Variants in TCL1A observed in about 807,000 individuals in gnomAD.
The protein encoded by TCL1A is TCL1 family AKT coactivator A, also known as T-cell leukemia/lymphoma protein 1A.
In TCL1A, 9 loss-of-function variants were observed where a neutral mutation model predicts 16.9. The ratio of observed to expected loss-of-function variants is 0.53; its 90% confidence interval spans 0.32 to 0.93. The LOEUF is 0.93. Among genes scored for constraint, TCL1A ranks in the 40% least tolerant of loss-of-function variants. The pLI is 0.04. For synonymous variants in TCL1A, 69 were observed against 63.2 expected (o/e 1.09, Z -0.44); for missense variants, 139 against 153.0 (o/e 0.91, Z 0.48).
At chr14:95,712,653 T>G (rs1173935032) in intron 1 of TCL1A, 1 of 1,443,474 alleles carries the variant, frequency 6.9e-7, no homozygotes, top group East Asian at 3.1e-5. Flanking sequence ...AAGGCACACT[T>G]TTTTCTGGCG....
At chr14:95,713,798 C>T (rs538461202) in intron 1 of TCL1A, 149 bp downstream of exon 1, 6 of 1,281,684 alleles carry the variant, frequency 4.7e-6, no homozygotes, top group Middle Eastern at 2.3e-4. Context: ...CCTATTCATC[C>T]TCCAGAGCCC....
At position 95,714,125 on chromosome 14, in the gene TCL1A, C is replaced by A; in HGVS notation, c.-59G>T. 1.9e-6 allele frequency: 3 copies of A among 1,596,632 alleles called. No individual in the cohort carries two copies. The highest frequency in any genetic ancestry group is 1.1e-5 in the South Asian group (1 of 90,076). On this transcript the variant is annotated 5_prime_UTR_variant, in exon 1 of 4. Coordinates refer to ENST00000402399, the MANE Select transcript of TCL1A (RefSeq NM_021966.3). ...GAGCCTCTCAAGGCCGCTCGCTGGT[C>A]CCTGGGATGTGGGGCCGACCCTTTA...
chr14:95,713,451 T>A (rs1595067393), intron 1 of TCL1A, among the ~76,000 whole-genome samples: 2 of 152,358 alleles, frequency 1.3e-5, no homozygotes, highest in South Asian at 2.1e-4. Flanking sequence ...GCGCTTATAC[T>A]ACGACATCAC....
intron 2 of TCL1A, 101 bp downstream of exon 2, chr14:95,712,117 TGC>T: frequency 7.2e-7 from 1 of 1,395,186 alleles, no homozygotes; most frequent in South Asian, 1.2e-5. Context: ...CATTTTTTAA[TGC>T]TTTTGGGACT....
rs776819931 is a variant in TCL1A at position 95,712,385 on chromosome 14, C to T, written c.132G>A (p.Arg44=). The T allele has an allele frequency of 6.2e-7, 1 of 1,607,500 alleles. No individual in the cohort carries two copies. Among genetic ancestry groups the T allele is most frequent in the Non-Finnish European group, 8.5e-7 (1 of 1,175,224 alleles). ...WLPLTIEIKD[R]LQLRVLLRRE... is the part of the protein sequence containing the mutation. ...GACGCAAGAGCACCCGTAACTGTAA[C>T]CTATCCTTTATCTGAGGAGAAGAAA... Residue 44 remains arginine (R), a synonymous_variant, in exon 2 of 4, where the codon AGG becomes AGA. Coordinates refer to ENST00000402399, the MANE Select transcript of TCL1A (RefSeq NM_021966.3).
At chr14:95,713,734 T>C (rs1886464356) in intron 1 of TCL1A, among the ~76,000 whole-genome samples, 1 of 152,308 alleles carries the variant, frequency 6.6e-6, no homozygotes, top group South Asian at 2.1e-4. Flanking sequence ...GGTCCACCCC[T>C]TTGACCGACA....
Position 95,711,535 on chromosome 14 carries a change from A to C in TCL1A, c.*6+214T>G, listed in dbSNP as rs868085809. On this transcript the variant is annotated intron_variant, in intron 3 of 3. Transcript: ENST00000402399. ...ACTTGTGAAGTACTTTATAGATATG[A>C]GCAGCTGCGATAAAGGGGGCTGCCT... 7.3e-5 allele frequency: 41 copies of C among 560,918 alleles called. No homozygotes were observed. The African/African-American group carries it at 7.6e-4, about 10-fold the overall frequency. The allele number at this position is 560,918 out of a possible 1,614,324, so 34.7% of individuals were successfully genotyped here. A position where few individuals can be genotyped will look rare whatever the true frequency, so the allele number is the denominator to read the frequency against.
chr14:95,713,823 T>C, intron 1 of TCL1A, 124 bp downstream of exon 1: 1 of 1,445,628 alleles, frequency 6.9e-7, no homozygotes, highest in Non-Finnish European at 9.3e-7. Context: ...CAAAGTGGCT[T>C]CATCTGTGGG....
rs781117449 is a variant in TCL1A at position 95,710,301 on chromosome 14, C to A, written c.*587G>T. 1 of 152,708 alleles carries A rather than the reference C, an allele frequency of 6.5e-6. No homozygotes were observed. Among genetic ancestry groups the A allele is most frequent in the African/African-American group, 2.4e-5 (1 of 41,420 alleles). 9.5% of individuals were successfully genotyped at this position (152,708 alleles called of 1,614,324 possible). On this transcript the variant is annotated 3_prime_UTR_variant, in exon 4 of 4. Coordinates refer to ENST00000402399, the MANE Select transcript of TCL1A (RefSeq NM_021966.3). ...TCTGAGTCCTGAGCACAGATAAGGG[C>A]TCCTTTCAGGCCTTTCCTTGAGCTG...
chr14:95,713,549 T>A (rs186005870), intron 1 of TCL1A, among the ~76,000 whole-genome samples: 1 of 152,316 alleles, frequency 6.6e-6, no homozygotes, highest in Admixed American at 6.5e-5. Context: ...TGGTTGACCC[T>A]AAACTGTTGA....
At chr14:95,712,676 T>C (rs1352253770) in intron 1 of TCL1A, 1 of 1,392,894 alleles carries the variant, frequency 7.2e-7, no homozygotes, top group Admixed American at 2.2e-5. Context: ...TTGCAGCGGC[T>C]CACACTTGTA....
intron 1 of TCL1A, chr14:95,712,920 T>G (rs992085012): frequency 9.9e-6 from 2 of 202,466 alleles, no homozygotes; most frequent in South Asian, 1.4e-4. Flanking sequence ...AAAAACTGTC[T>G]GGTTCGTGGT....
chr14:95,710,245 T>A lies in TCL1A; in HGVS notation c.*643A>T, dbSNP rs897697652. On this transcript the variant is annotated 3_prime_UTR_variant, in exon 4 of 4. Transcript: ENST00000402399. ...CTCGCCGGCCTGGCCTCCTGCTGCG[T>A]CCCGGGATGTGGACCACTGACCCAG... 2 of 152,574 alleles carry A rather than the reference T, an allele frequency of 1.3e-5. No homozygotes were observed. Among genetic ancestry groups the A allele is most frequent in the African/African-American group, 2.4e-5 (1 of 41,464 alleles). The allele number at this position is 152,574 out of a possible 1,614,324, so 9.5% of individuals were successfully genotyped here.
chr14:95,712,116 A>T, intron 2 of TCL1A, 104 bp downstream of exon 2: 1 of 1,387,606 alleles, frequency 7.2e-7, no homozygotes, highest in Admixed American at 1.8e-5. Flanking sequence ...CCATTTTTTA[A>T]TGCTTTTGGG....
intron 3 of TCL1A, 28 bp downstream of exon 3, chr14:95,711,721 A>G: frequency 6.2e-7 from 1 of 1,611,780 alleles, no homozygotes; most frequent in South Asian, 1.1e-5. Context: ...CTGTGGACTA[A>G]GAGGGGTCAG....
intron 3 of TCL1A, among the ~76,000 whole-genome samples, chr14:95,711,295 T>TAG (rs1463895826): frequency 2.0e-4 from 16 of 79,770 alleles, no homozygotes; most frequent in African/African-American, 7.7e-4. Context: ...CCGTCTCTAC[T>TAG]AAAAAAAAAA....
chr14:95,711,750 A>G lies in TCL1A; in HGVS notation c.*5T>C, dbSNP rs1185042513. 2 of 1,613,332 alleles carry G rather than the reference A, an allele frequency of 1.2e-6. No homozygotes were observed. Among genetic ancestry groups the G allele is most frequent in the African/African-American group, 1.3e-5 (1 of 75,040 alleles). ...GGGTCAGGCTCCAGTGGAGCTCACC[A>G]TACATCAGTCATCTGGCAGCAGCTC... On this transcript the variant is annotated splice_region_variant and 3_prime_UTR_variant, in exon 3 of 4. Coordinates refer to ENST00000402399, the MANE Select transcript of TCL1A (RefSeq NM_021966.3).
In TCL1A at chr14:95,714,050, GT is replaced by G; in HGVS notation, c.16del (p.Thr6HisfsTer32). 1 of 1,613,960 alleles carries G rather than the reference GT, an allele frequency of 6.2e-7. No individual in the cohort carries two copies. The highest frequency in any genetic ancestry group is 8.5e-7 in the Non-Finnish European group (1 of 1,180,018). MAECPTLGEAVTDHPD... is the reference protein window; with the variant it reads MAECPXLGEAVTDHPD... ...GTGGTCGGTGACTGCCTCCCCGAGT[GT>G]CGGGCACTCGGCCATGGCGTCCTCG... is the stretch of plus-strand genomic sequence containing the variant. On this transcript the variant is annotated frameshift_variant, in exon 1 of 4. Transcript: ENST00000402399. LOFTEE classifies it high-confidence loss of function.
At position 95,714,094 on chromosome 14, in the gene TCL1A, G is replaced by A. The variant is rs773625180; in HGVS notation, c.-28C>T. 2.5e-6 allele frequency: 4 copies of A among 1,611,718 alleles called. No homozygotes were observed. In the Admixed American group the frequency reaches 6.7e-5, roughly 27 times the overall value. The stretch of plus-strand genomic sequence containing the variant: ...CGTCCTCGGGCCGCCTAAGAAGCAA[G>A]AGCCAGAGCCTCTCAAGGCCGCTCG... On this transcript the variant is annotated 5_prime_UTR_variant, in exon 1 of 4. Coordinates refer to ENST00000402399, the MANE Select transcript of TCL1A (RefSeq NM_021966.3).
Sources: gnomAD v4.1 joint callset for allele counts (sites outside exome capture counted in the v4.1 genomes callset) on GRCh38, gnomAD v4.1.1 for gene constraint, MANE v1.5 for transcripts, NCBI Gene and HGNC (gene_info 2026-07-23, HGNC 2026-07-21) for gene names.